The following MCC variants were observed in gnomAD, a reference collection of about 807,000 sequenced individuals.
The protein encoded by MCC is colorectal mutant cancer protein.
MCC carries 90 observed loss-of-function variants against 116.2 expected under a neutral mutation model. That is an observed-to-expected ratio of 0.77 (90% confidence interval 0.65 to 0.92). The LOEUF is 0.92. Among genes scored for constraint, MCC ranks in the 40% least tolerant of loss-of-function variants. The pLI is 0.00. For missense variants in MCC, 1,516 were observed against 1,312.2 expected, an observed-to-expected ratio of 1.16 and a Z score of -2.40; for synonymous variants, 578 against 510.5, an observed-to-expected ratio of 1.13 and a Z score of -1.78.
At chr5:113,250,501 C>T (rs763088958) in intron 3 of MCC, among the ~76,000 whole-genome samples, 3 of 152,210 alleles carry the variant, frequency 2.0e-5, no homozygotes, top group Non-Finnish European at 4.4e-5. Flanking sequence ...CACGCTGCCT[C>T]CCAACATCTG....
chr5:113,056,882 T>C (rs1752870578), intron 14 of MCC, among the ~76,000 whole-genome samples: 1 of 152,070 alleles, frequency 6.6e-6, no homozygotes, highest in Non-Finnish European at 1.5e-5. Flanking sequence ...CATATTCTAA[T>C]AGAGTAGGCC....
chr5:113,076,359 A>T (rs1301840376), intron 11 of MCC, among the ~76,000 whole-genome samples: 2 of 152,230 alleles, frequency 1.3e-5, no homozygotes, highest in African/African-American at 4.8e-5. Flanking sequence ...CATAATTGTC[A>T]GATTCACCAA....
At chr5:113,439,784 A>G (rs1041415177) in intron 1 of MCC, among the ~76,000 whole-genome samples, 7 of 152,238 alleles carry the variant, frequency 4.6e-5, no homozygotes, top group Non-Finnish European at 8.8e-5. Context: ...CCAAAAAGAT[A>G]ATGATATATA....
chr5:113,046,151 G>C (rs1187015678), intron 16 of MCC, among the ~76,000 whole-genome samples: 1 of 151,178 alleles, frequency 6.6e-6, no homozygotes, highest in Non-Finnish European at 1.5e-5. Context: ...TCTTACTGTA[G>C]TGTTAAAAAA....
chr5:113,174,469 C>T (rs535454366), intron 3 of MCC, among the ~76,000 whole-genome samples: 24 of 152,106 alleles, frequency 1.6e-4, no homozygotes, highest in African/African-American at 4.3e-4. Context: ...AAAAACTAAA[C>T]GAACACATTA....
At chr5:113,102,971 G>A (rs868144808) in intron 7 of MCC, among the ~76,000 whole-genome samples, 15 of 152,042 alleles carry the variant, frequency 9.9e-5, no homozygotes, top group South Asian at 2.1e-4. Context: ...AAATTTAGCC[G>A]GGCGTGGTGG....
At chr5:113,120,377 C>G (rs1757666044) in intron 6 of MCC, among the ~76,000 whole-genome samples, 1 of 152,182 alleles carries the variant, frequency 6.6e-6, no homozygotes, top group African/African-American at 2.4e-5. Flanking sequence ...ATAATTCTGC[C>G]TGGCTTAAGC....
chr5:113,025,747 CT>C lies in MCC; in HGVS notation c.*1554del, dbSNP rs1307446240. ...TTCGTTTTGGAGATGGGCAGCCTCA[CT>C]GCTGGCCTCTCAGTGGTTGCTTTTA... On this transcript the variant is annotated 3_prime_UTR_variant, in exon 19 of 19. Transcript: ENST00000408903. 2.0e-5 allele frequency: 3 copies of C among 152,234 alleles called. No individual in the cohort carries two copies. Among genetic ancestry groups the C allele is most frequent in the African/African-American group, 7.2e-5 (3 of 41,464 alleles). 9.4% of individuals were successfully genotyped at this position (152,234 alleles called of 1,614,324 possible). A position where few individuals can be genotyped will look rare whatever the true frequency, so the allele number is the denominator to read the frequency against.
Position 113,385,064 on chromosome 5 carries a change from C to G in MCC, c.319G>C (p.Glu107Gln). ...RMQLVREIRK[E>Q]EVDLSAKSDN... ...GACTTTGCAGAAAGATCTACTTCCT[C>G]CTTCCTAATTTCTCGAACAAGCTGC... The change falls in exon 2 of 19, where the codon GAG becomes CAG. Residue 107 changes from glutamate to glutamine, a missense_variant. Physicochemically the swap from Glu to Gln is conservative, Grantham distance 29. Transcript: ENST00000408903. 1 of 1,614,212 alleles carries G rather than the reference C, an allele frequency of 6.2e-7. No homozygotes were observed.
chr5:113,037,732 A>G (rs1398085210), intron 17 of MCC, among the ~76,000 whole-genome samples: 1 of 152,170 alleles, frequency 6.6e-6, no homozygotes. Context: ...TAGCGGGAAG[A>G]TACATGATGG....
At chr5:113,048,779 C>A (rs937455668) in intron 16 of MCC, 3 of 477,452 alleles carry the variant, frequency 6.3e-6, no homozygotes, top group African/African-American at 5.9e-5. Flanking sequence ...ATGAGGGCTG[C>A]CGTGTGACAG....
intron 1 of MCC, among the ~76,000 whole-genome samples, chr5:113,464,699 A>G (rs1771847175): frequency 6.6e-6 from 1 of 152,144 alleles, no homozygotes; most frequent in African/African-American, 2.4e-5. Context: ...TGCTTAGAAG[A>G]GTCACTAGTA....
chr5:113,343,311 C>G (rs2150379630), intron 2 of MCC, among the ~76,000 whole-genome samples: 1 of 152,276 alleles, frequency 6.6e-6, no homozygotes, highest in East Asian at 1.9e-4. Context: ...TGTATCAAAG[C>G]AGGCAATTCT....
chr5:113,268,800 T>C (rs1765508261), intron 3 of MCC, among the ~76,000 whole-genome samples: 1 of 152,142 alleles, frequency 6.6e-6, no homozygotes, highest in Admixed American at 6.6e-5. Context: ...AACAAGCATC[T>C]AGAATGTCCA....
At chr5:113,270,321 T>C (rs1270100975) in intron 3 of MCC, among the ~76,000 whole-genome samples, 1 of 152,092 alleles carries the variant, frequency 6.6e-6, no homozygotes, top group Admixed American at 6.6e-5. Context: ...CTATATTCAC[T>C]AAAGCGTGCA....
At chr5:113,279,773 T>C (rs1172019051) in intron 3 of MCC, among the ~76,000 whole-genome samples, 1 of 152,232 alleles carries the variant, frequency 6.6e-6, no homozygotes, top group Non-Finnish European at 1.5e-5. Flanking sequence ...CAATACTAAT[T>C]TGTAACAGGA....
intron 17 of MCC, among the ~76,000 whole-genome samples, chr5:113,034,812 G>T (rs1282845092): frequency 6.6e-6 from 1 of 152,166 alleles, no homozygotes; most frequent in Non-Finnish European, 1.5e-5. Context: ...TTTCTTACCT[G>T]CCCGCATCAC....
chr5:113,143,486 G>T (rs1474737770), intron 4 of MCC, 126 bp from the exon 5 acceptor site: 1 of 990,812 alleles, frequency 1.0e-6, no homozygotes, highest in East Asian at 2.6e-5. Flanking sequence ...TAAAATGTAT[G>T]TCAGCTCATC....
At chr5:113,205,739 T>G (rs559708370) in intron 3 of MCC, among the ~76,000 whole-genome samples, 2 of 152,214 alleles carry the variant, frequency 1.3e-5, no homozygotes, top group Non-Finnish European at 2.9e-5. Context: ...GGAATCTAAG[T>G]TTCAAGTCAG....
Sources: gnomAD v4.1 joint callset for allele counts (sites outside exome capture counted in the v4.1 genomes callset) on GRCh38, gnomAD v4.1.1 for gene constraint, MANE v1.5 for transcripts, NCBI Gene and HGNC (gene_info 2026-07-23, HGNC 2026-07-21) for gene names.